The following PHKB variants were observed in gnomAD, a reference collection of about 807,000 sequenced individuals.
PHKB encodes phosphorylase kinase regulatory subunit beta.
In PHKB, 122 loss-of-function variants were observed where a neutral mutation model predicts 152.1. The observed-to-expected ratio is 0.80, with a 90% CI of 0.69 to 0.93. The LOEUF is 0.93. Among genes scored for constraint, PHKB ranks in the 40% least tolerant of loss-of-function variants. The probability of loss-of-function intolerance (pLI) is 0.00; values close to 1 mark genes in which losing one functional copy is unlikely to be tolerated. For synonymous variants in PHKB, 436 were observed against 464.9 expected (o/e 0.94, Z 0.80); for missense variants, 1,304 against 1,328.4 (o/e 0.98, Z 0.29).
chr16:47,656,614 GCAAA>G (rs1441878667), intron 20 of PHKB, among the ~76,000 whole-genome samples: 1 of 152,058 alleles, frequency 6.6e-6, no homozygotes, highest in Non-Finnish European at 1.5e-5. Context: ...ACTTTGTTGT[GCAAA>G]CAATCTCTAG....
At chr16:47,598,755 C>G in intron 13 of PHKB, 1 of 1,588,292 alleles carries the variant, frequency 6.3e-7, no homozygotes, top group Non-Finnish European at 8.6e-7. Flanking sequence ...CATGTTCAGC[C>G]TAAAGAATCA....
At chr16:47,466,401 G>A (rs1226020067) in intron 1 of PHKB, among the ~76,000 whole-genome samples, 6 of 152,182 alleles carry the variant, frequency 3.9e-5, no homozygotes, top group Non-Finnish European at 7.3e-5. Flanking sequence ...GTCAGCTGTA[G>A]CAATCACCTT....
At chr16:47,601,902 G>T (rs189031200) in intron 13 of PHKB, among the ~76,000 whole-genome samples, 1 of 152,126 alleles carries the variant, frequency 6.6e-6, no homozygotes, top group East Asian at 1.9e-4. Flanking sequence ...TTTTAGGGTG[G>T]ATATTTTGAA....
At chr16:47,527,816 A>G (rs890139206) in intron 6 of PHKB, among the ~76,000 whole-genome samples, 6 of 152,278 alleles carry the variant, frequency 3.9e-5, no homozygotes, top group Non-Finnish European at 7.4e-5. Flanking sequence ...TGATGTAGAA[A>G]GGAATACCAG....
intron 27 of PHKB, among the ~76,000 whole-genome samples, chr16:47,690,566 G>A (rs1974042219): frequency 6.6e-6 from 1 of 151,998 alleles, no homozygotes; most frequent in Admixed American, 6.6e-5. Flanking sequence ...AAGGAAAATG[G>A]GAAGAAACAT....
In PHKB at chr16:47,499,922, C is replaced by T; in HGVS notation, c.305+28C>T. The T allele has an allele frequency of 1.2e-6, 2 of 1,613,764 alleles. 1 individual carries two copies. Reference sequence around the variant, plus strand: ...GAGCTGGTGTGTGTTCTCCTCGTAACTTTGAGAGTGGATAATAGGGTTTTG... The same window carrying T: ...GAGCTGGTGTGTGTTCTCCTCGTAATTTTGAGAGTGGATAATAGGGTTTTG... On this transcript the variant is annotated intron_variant, in intron 3 of 30. Transcript: ENST00000323584.
chr16:47,499,955 A>G, intron 3 of PHKB, 61 bp downstream of exon 3: 3 of 1,588,146 alleles, frequency 1.9e-6, no homozygotes, highest in Admixed American at 1.7e-5. Flanking sequence ...TTGTAGGACC[A>G]AGACTAATTG....
chr16:47,566,532 C>T (rs1323617677), intron 7 of PHKB: 37 of 1,600,620 alleles, frequency 2.3e-5, no homozygotes, highest in Non-Finnish European at 3.1e-5. Flanking sequence ...AAGCACTGCA[C>T]TGATATTTAG....
intron 15 of PHKB, 137 bp downstream of exon 15, chr16:47,641,227 A>G (rs1973015365): frequency 4.1e-6 from 3 of 733,490 alleles, no homozygotes; most frequent in Non-Finnish European, 7.3e-6. Context: ...CAAGGATATC[A>G]TTAATATCAC....
At chr16:47,635,215 C>T (rs1215664791) in intron 14 of PHKB, among the ~76,000 whole-genome samples, 3 of 152,104 alleles carry the variant, frequency 2.0e-5, no homozygotes, top group African/African-American at 7.2e-5. Flanking sequence ...GATTGGATTG[C>T]GCATGTTTGA....
chr16:47,652,960 C>T (rs910317488), intron 20 of PHKB, among the ~76,000 whole-genome samples: 9 of 151,368 alleles, frequency 5.9e-5, no homozygotes, highest in Non-Finnish European at 5.9e-5. Context: ...GGCTTTGATT[C>T]GCATTTCTTT....
intron 13 of PHKB, among the ~76,000 whole-genome samples, chr16:47,607,731 G>A (rs1014020554): frequency 4.6e-5 from 7 of 152,096 alleles, no homozygotes; most frequent in Non-Finnish European, 7.4e-5. Flanking sequence ...TAAGTCTTAC[G>A]TTTAACATTT....
intron 7 of PHKB, among the ~76,000 whole-genome samples, chr16:47,557,610 G>A (rs1193325354): frequency 6.6e-6 from 1 of 152,214 alleles, no homozygotes; most frequent in Non-Finnish European, 1.5e-5. Flanking sequence ...AGACATTTAT[G>A]CAGCCAAAAA....
chr16:47,496,228 C>A (rs958214173), intron 1 of PHKB, among the ~76,000 whole-genome samples: 1 of 150,802 alleles, frequency 6.6e-6, no homozygotes, highest in Non-Finnish European at 1.5e-5. Context: ...TAATTGTGAC[C>A]TTGAGTTGTT....
intron 7 of PHKB, among the ~76,000 whole-genome samples, chr16:47,575,441 G>A (rs1971733643): frequency 6.6e-6 from 1 of 152,142 alleles, no homozygotes; most frequent in South Asian, 2.1e-4. Context: ...GCAAAGATAT[G>A]AATCAACCTA....
chr16:47,491,272 C>A (rs1490004783), intron 1 of PHKB, among the ~76,000 whole-genome samples: 1 of 152,084 alleles, frequency 6.6e-6, no homozygotes, highest in Non-Finnish European at 1.5e-5. Flanking sequence ...CCCTTACAGA[C>A]ATATAGAACT....
chr16:47,592,659 T>C (rs1972048287), intron 10 of PHKB, among the ~76,000 whole-genome samples: 1 of 152,186 alleles, frequency 6.6e-6, no homozygotes, highest in Non-Finnish European at 1.5e-5. Flanking sequence ...TGCATAGTAG[T>C]TGTTTATTTA....
intron 4 of PHKB, among the ~76,000 whole-genome samples, chr16:47,507,547 A>C (rs1567284345): frequency 4.1e-5 from 6 of 147,644 alleles, no homozygotes. Context: ...AAATAGAGAC[A>C]GGGTCTCACT....
chr16:47,518,290 A>T (rs559339343), intron 6 of PHKB, among the ~76,000 whole-genome samples: 1 of 152,344 alleles, frequency 6.6e-6, no homozygotes, highest in African/African-American at 2.4e-5. Context: ...ACACATACAC[A>T]TACATATGTA....
Sources: gnomAD v4.1 joint callset for allele counts (sites outside exome capture counted in the v4.1 genomes callset) on GRCh38, gnomAD v4.1.1 for gene constraint, MANE v1.5 for transcripts, NCBI Gene and HGNC (gene_info 2026-07-23, HGNC 2026-07-21) for gene names.